NDST1: variants seen among roughly 807,000 people sequenced by gnomAD.
NDST1 encodes bifunctional heparan sulfate N-deacetylase/N-sulfotransferase 1.
In NDST1, 35 loss-of-function variants were observed where a neutral mutation model predicts 92.8. The observed-to-expected ratio is 0.38, with a 90% CI of 0.29 to 0.50. The LOEUF (loss-of-function observed/expected upper bound fraction) is 0.50. Ranked by LOEUF, NDST1 falls within the 20% of genes least tolerant of loss-of-function variation. The pLI, the probability that NDST1 is intolerant of heterozygous loss-of-function variation, is 0.94. For synonymous variants in NDST1, 493 were observed against 500.3 expected, an observed-to-expected ratio of 0.99 and a Z score of 0.19; for missense variants, 822 against 1,182.7, an observed-to-expected ratio of 0.69 and a Z score of 4.47.
At chr5:150,511,383 G>A (rs1003680904) in intron 1 of NDST1, among the ~76,000 whole-genome samples, 8 of 152,170 alleles carry the variant, frequency 5.3e-5, no homozygotes, top group Non-Finnish European at 8.8e-5. Flanking sequence ...CTGGTGTTGC[G>A]TGGTGGGATG....
intron 10 of NDST1, among the ~76,000 whole-genome samples, chr5:150,544,476 G>A (rs1435264779): frequency 2.6e-4 from 39 of 152,216 alleles, no homozygotes. Flanking sequence ...TGATTTTGTA[G>A]GTAGGTCTAA....
intron 1 of NDST1, among the ~76,000 whole-genome samples, chr5:150,513,807 T>G (rs1030003658): frequency 3.3e-5 from 5 of 152,234 alleles, no homozygotes; most frequent in Non-Finnish European, 7.3e-5. Context: ...AAGGCCCTTG[T>G]ACCTCTGCCC....
At chr5:150,513,301 G>GC (rs1753808338) in intron 1 of NDST1, among the ~76,000 whole-genome samples, 1 of 151,560 alleles carries the variant, frequency 6.6e-6, no homozygotes, top group East Asian at 1.9e-4. Flanking sequence ...GACCAGCCTG[G>GC]GCAACATGGC....
upstream of NDST1, among the ~76,000 whole-genome samples, chr5:150,505,927 C>T (rs1489310009): frequency 2.0e-5 from 3 of 152,024 alleles, no homozygotes; most frequent in South Asian, 2.1e-4. Context: ...ACTACAGGCT[C>T]GTGTCACCAT....
intron 1 of NDST1, among the ~76,000 whole-genome samples, chr5:150,517,720 C>T (rs1754044808): frequency 6.6e-6 from 1 of 152,180 alleles, no homozygotes; most frequent in Admixed American, 6.5e-5. Context: ...ATGTCAGATT[C>T]CCACAGGGTT....
At chr5:150,515,439 C>G (rs1753913018) in intron 1 of NDST1, among the ~76,000 whole-genome samples, 1 of 152,216 alleles carries the variant, frequency 6.6e-6, no homozygotes, top group African/African-American at 2.4e-5. Flanking sequence ...TGGTTTTCAG[C>G]CTCTGCACCG....
chr5:150,532,174 T>C (rs1754773047), intron 3 of NDST1, among the ~76,000 whole-genome samples: 2 of 152,186 alleles, frequency 1.3e-5, no homozygotes, highest in Non-Finnish European at 2.9e-5. Context: ...GTCTTACAGT[T>C]GGACCTGTGT....
In NDST1 at chr5:150,553,842, TG is replaced by T. The variant is rs1755814603; in HGVS notation, c.*513del. 1 of 432,854 alleles carries T rather than the reference TG, an allele frequency of 2.3e-6. No homozygotes were observed. Among genetic ancestry groups the T allele is most frequent in the East Asian group, 3.4e-5 (1 of 29,272 alleles). The allele number at this position is 432,854 out of a possible 1,614,324, so 26.8% of individuals were successfully genotyped here. ...TCCCCGGAGTCAGTCCTAGGCTGGA[TG>T]GGAGGGTGGCCCCCTCAAGAGGACT... On this transcript the variant is annotated 3_prime_UTR_variant, in exon 15 of 15. Coordinates refer to ENST00000261797, the MANE Select transcript of NDST1 (RefSeq NM_001543.5). This position sits in a 1 kb window ranked among gnomAD's most constrained non-coding sequence, Gnocchi z 4.2.
chr5:150,515,466 C>T (rs1000306995), intron 1 of NDST1, among the ~76,000 whole-genome samples: 1 of 152,228 alleles, frequency 6.6e-6, no homozygotes, highest in South Asian at 2.1e-4. Flanking sequence ...GGGGATGAGG[C>T]GGGAGCCTGA....
At chr5:150,505,150 G>T (rs1434898474), upstream of NDST1, among the ~76,000 whole-genome samples, 1 of 152,228 alleles carries the variant, frequency 6.6e-6, no homozygotes, top group African/African-American at 2.4e-5. Flanking sequence ...TGCTGATGGC[G>T]ATGAGGGCAT....
At chr5:150,536,997 G>C (rs925274385) in intron 6 of NDST1, among the ~76,000 whole-genome samples, 1 of 152,258 alleles carries the variant, frequency 6.6e-6, no homozygotes, top group Non-Finnish European at 1.5e-5. Flanking sequence ...GTTGTGGGAA[G>C]TCAGGGACCC....
At chr5:150,523,817 CAG>C (rs1205391325) in intron 2 of NDST1, among the ~76,000 whole-genome samples, 1 of 152,218 alleles carries the variant, frequency 6.6e-6, no homozygotes, top group Non-Finnish European at 1.5e-5. Flanking sequence ...CGGGCATGTT[CAG>C]AGTCTCATCG....
At chr5:150,499,873 T>A (rs1753156576) in intron 1 of NDST1, among the ~76,000 whole-genome samples, 2 of 152,186 alleles carry the variant, frequency 1.3e-5, no homozygotes, top group African/African-American at 4.8e-5. Context: ...AGGGGAGGAC[T>A]GTGCTCAGCA....
upstream of NDST1, among the ~76,000 whole-genome samples, chr5:150,507,464 C>G (rs1284547344): frequency 6.6e-6 from 1 of 152,234 alleles, no homozygotes; most frequent in Non-Finnish European, 1.5e-5. Context: ...AGTTGCTTCT[C>G]TTCTCTGGGT....
chr5:150,503,585 G>T (rs148017995), upstream of NDST1, among the ~76,000 whole-genome samples: 2 of 152,234 alleles, frequency 1.3e-5, no homozygotes, highest in African/African-American at 4.8e-5. Context: ...GGGAGGAACC[G>T]TGGGAGGTTA....
Position 150,519,636 on chromosome 5 carries a change from C to T in NDST1, c.-387-1232C>T, listed in dbSNP as rs184345966. 3.6e-3 allele frequency among the ~76,000 whole-genome samples: 544 copies of T among 151,852 alleles called. 1 individual carries two copies. The highest frequency in any genetic ancestry group is 0.012 in the African/African-American group (498 of 41,372). On this transcript the variant is annotated intron_variant, in intron 1 of 14. Transcript: ENST00000261797. Reference sequence around the variant, plus strand: ...TGGGGAGGCGGAGGTGGCAGCGAGCCGAGATTGCACCATTGTCTAGCCTGG... The same window carrying T: ...TGGGGAGGCGGAGGTGGCAGCGAGCTGAGATTGCACCATTGTCTAGCCTGG...
upstream of NDST1, among the ~76,000 whole-genome samples, chr5:150,503,987 A>C (rs1382250578): frequency 1.3e-5 from 2 of 152,160 alleles, no homozygotes; most frequent in Admixed American, 1.3e-4. Context: ...GTGGCAGTCC[A>C]CTGGACACTG....
chr5:150,511,722 C>G (rs1478027062), intron 1 of NDST1, among the ~76,000 whole-genome samples: 1 of 152,094 alleles, frequency 6.6e-6, no homozygotes, highest in Non-Finnish European at 1.5e-5. Context: ...CCTGGCCAGG[C>G]AGCACTGTGG....
intron 11 of NDST1, 56 bp from the exon 12 acceptor site, chr5:150,548,162 G>T: frequency 6.2e-7 from 1 of 1,609,914 alleles, no homozygotes; most frequent in South Asian, 1.1e-5. Context: ...GTCCCTCTCA[G>T]GCCACTTCCT....
Sources: gnomAD v4.1 joint callset for allele counts (sites outside exome capture counted in the v4.1 genomes callset) on GRCh38, gnomAD v4.1.1 for gene constraint, Gnocchi (gnomAD v3.1) non-coding constraint, MANE v1.5 for transcripts, NCBI Gene and HGNC (gene_info 2026-07-23, HGNC 2026-07-21) for gene names.